MBTD1: variants seen among roughly 807,000 people sequenced by gnomAD.
MBTD1 encodes mbt domain containing 1, also known as MBT domain-containing protein 1.
In MBTD1, 24 loss-of-function variants were observed where a neutral mutation model predicts 87.8. The ratio of observed to expected loss-of-function variants is 0.27; its 90% CI spans 0.20 to 0.38. The LOEUF is 0.38. MBTD1 is among the 10% of genes least tolerant of loss of function. MBTD1 has a pLI of 1.00. For missense variants in MBTD1, 436 were observed against 760.2 expected (o/e 0.57, Z 5.02); for synonymous variants, 237 against 248.6 (o/e 0.95, Z 0.44).
chr17:51,202,888 T>C lies in MBTD1; in HGVS notation c.876A>G (p.Glu292=). 1 of 1,614,178 alleles carries C rather than the reference T, an allele frequency of 6.2e-7. No homozygotes were observed. Among genetic ancestry groups the C allele is most frequent in the Non-Finnish European group, 8.5e-7 (1 of 1,180,032 alleles). Residue 292 remains glutamate (E), a synonymous_variant, in exon 10 of 17, where the codon GAA becomes GAG. Transcript: ENST00000586178. ...GACACAAATGCCTCTTGTCAACCAC[T>C]TCTACTCTCATGCAAGGTTTGAAAG... ...QYPFKPCMRV[E]VVDKRHLCRT...
At chr17:51,222,832 C>T (rs7207416) in intron 3 of MBTD1, among the ~76,000 whole-genome samples, 77,833 of 151,340 alleles carry the variant, frequency 0.51, 20,293 homozygotes, top group South Asian at 0.66. Context: ...TTTGAAGTCT[C>T]GCTCTGTAGC....
chr17:51,222,258 G>C (rs1043191298), intron 3 of MBTD1, among the ~76,000 whole-genome samples: 1 of 152,174 alleles, frequency 6.6e-6, no homozygotes, highest in African/African-American at 2.4e-5. Flanking sequence ...TTTATGATAG[G>C]ATTACTAGGC....
In MBTD1 at chr17:51,259,899, G is replaced by A. The variant is rs2055369730; in HGVS notation, c.-177C>T. Reference sequence around the variant, plus strand: ...GGTTGTCCGTGCTCCCCGAGCCCGCGGCGCCCCCTCCCCGGGCTGGGGGCA... The same window carrying A: ...GGTTGTCCGTGCTCCCCGAGCCCGCAGCGCCCCCTCCCCGGGCTGGGGGCA... On this transcript the variant is annotated 5_prime_UTR_variant, in exon 1 of 17. Coordinates refer to ENST00000586178, the MANE Select transcript of MBTD1 (RefSeq NM_017643.3). 4 of 1,231,556 alleles carry A rather than the reference G, an allele frequency of 3.2e-6. No individual in the cohort carries two copies. Among genetic ancestry groups the A allele is most frequent in the Non-Finnish European group, 4.0e-6 (4 of 987,676 alleles). The allele number at this position is 1,231,556 out of a possible 1,614,324, so 76.3% of individuals were successfully genotyped here. A position where few individuals can be genotyped will look rare whatever the true frequency, so the allele number is the denominator to read the frequency against.
intron 2 of MBTD1, among the ~76,000 whole-genome samples, chr17:51,247,989 G>A (rs914310680): frequency 6.6e-6 from 1 of 152,086 alleles, no homozygotes. Flanking sequence ...TTTCATCTAG[G>A]TTTTGAAATG....
At chr17:51,248,509 T>G (rs1185928032) in intron 2 of MBTD1, among the ~76,000 whole-genome samples, 1 of 152,230 alleles carries the variant, frequency 6.6e-6, no homozygotes, top group African/African-American at 2.4e-5. Context: ...TTTCTGTCAC[T>G]CTAGAAAGCT....
chr17:51,260,521 G>A (rs1036262755), upstream of MBTD1: 29 of 1,500,582 alleles, frequency 1.9e-5, no homozygotes, highest in South Asian at 8.0e-5. Context: ...CGGCCCGCGA[G>A]GGGCCTGGGC....
At chr17:51,250,490 C>G (rs2054714963) in intron 2 of MBTD1, 1 of 152,154 alleles carries the variant, frequency 6.6e-6, no homozygotes, top group Non-Finnish European at 1.5e-5. Context: ...GCCCTAATAC[C>G]TGGACAACAG....
At chr17:51,207,270 A>G (rs1363384892) in intron 6 of MBTD1, among the ~76,000 whole-genome samples, 3 of 152,184 alleles carry the variant, frequency 2.0e-5, no homozygotes, top group Non-Finnish European at 2.9e-5. Context: ...CGATTTTTCT[A>G]TGAGTGGAAT....
At chr17:51,184,018 T>G (rs939297769) in intron 16 of MBTD1, 1 of 152,214 alleles carries the variant, frequency 6.6e-6, no homozygotes, top group African/African-American at 2.4e-5. Context: ...AAGCATATCT[T>G]GAAGCAATAT....
chr17:51,192,870 A>AT lies in MBTD1; in HGVS notation c.1601dup (p.Asp534GlufsTer7). The AT allele has an allele frequency of 6.2e-7, 1 of 1,614,184 alleles. No individual in the cohort carries two copies. Among genetic ancestry groups the AT allele is most frequent in the Non-Finnish European group, 8.5e-7 (1 of 1,180,020 alleles). ...CAGGTGACTCACAGTCTACCCACTG[A>AT]TCATACTCTTCTTCCCATCCATCAA... On this transcript the variant is annotated frameshift_variant, in exon 15 of 17. Transcript: ENST00000586178. LOFTEE classifies it high-confidence loss of function.
At chr17:51,231,155 C>T (rs1161976533) in intron 2 of MBTD1, among the ~76,000 whole-genome samples, 1 of 152,174 alleles carries the variant, frequency 6.6e-6, no homozygotes, top group Admixed American at 6.5e-5. Context: ...TCAGGCTGGT[C>T]TCAAACTCCT....
At chr17:51,238,892 G>T (rs2054002145) in intron 2 of MBTD1, among the ~76,000 whole-genome samples, 2 of 152,148 alleles carry the variant, frequency 1.3e-5, no homozygotes. Flanking sequence ...TTAAAGTCAG[G>T]AGTTCGAGAC....
intron 12 of MBTD1, 93 bp downstream of exon 12, chr17:51,201,499 T>C (rs2051487285): frequency 1.4e-6 from 1 of 731,112 alleles, no homozygotes; most frequent in East Asian, 2.6e-5. Flanking sequence ...ATACACATTT[T>C]ATGTCAAAAC....
intron 2 of MBTD1, among the ~76,000 whole-genome samples, chr17:51,231,118 A>G (rs1045999205): frequency 6.6e-6 from 1 of 152,076 alleles, no homozygotes; most frequent in African/African-American, 2.4e-5. Context: ...TTGTATTTTT[A>G]GTAGAGATGG....
At chr17:51,259,738 G>C in intron 1 of MBTD1, 97 bp downstream of exon 1, 1 of 1,137,340 alleles carries the variant, frequency 8.8e-7, no homozygotes, top group Non-Finnish European at 1.1e-6. Flanking sequence ...AGCAGGCCAG[G>C]GAGCGGGGTC....
intron 2 of MBTD1, among the ~76,000 whole-genome samples, chr17:51,231,324 C>G (rs189933101): frequency 2.9e-4 from 44 of 152,262 alleles, no homozygotes; most frequent in Non-Finnish European, 5.9e-4. Context: ...ATTATTGACC[C>G]TTAAATGTCA....
intron 16 of MBTD1, among the ~76,000 whole-genome samples, chr17:51,187,998 T>C (rs2050625168): frequency 6.6e-6 from 1 of 151,604 alleles, no homozygotes; most frequent in African/African-American, 2.4e-5. Flanking sequence ...AAAAGGTAAA[T>C]GTAAGCCACA....
At position 51,204,204 on chromosome 17, in the gene MBTD1, A is replaced by G. The variant is rs563710350; in HGVS notation, c.605-279T>C. Among the ~76,000 whole-genome samples the G allele has an allele frequency of 2.0e-5, 3 of 152,282 alleles. No individual in the cohort carries two copies. The East Asian group carries it at 5.8e-4, about 29-fold the overall frequency. On this transcript the variant is annotated intron_variant, in intron 7 of 16. Transcript: ENST00000586178. ...CCATCTGTTCAGTGCAAACAGTTCA[A>G]CTGTTTTCAGAGCATGGCATCCTTA... is the stretch of plus-strand genomic sequence containing the variant.
intron 16 of MBTD1, among the ~76,000 whole-genome samples, chr17:51,187,547 C>T (rs1181567858): frequency 6.6e-6 from 1 of 151,942 alleles, no homozygotes; most frequent in Admixed American, 6.6e-5. Flanking sequence ...GTGCATTAAT[C>T]ATATTGAAAG....
Sources: gnomAD v4.1 joint callset for allele counts (sites outside exome capture counted in the v4.1 genomes callset) on GRCh38, gnomAD v4.1.1 for gene constraint, MANE v1.5 for transcripts, NCBI Gene and HGNC (gene_info 2026-07-23, HGNC 2026-07-21) for gene names.